NRXN3: variants seen among roughly 807,000 people sequenced by gnomAD.
The protein encoded by NRXN3 is neurexin 3.
Under a neutral mutation model 137.6 loss-of-function variants are expected in NRXN3, and 32 were observed. The ratio of observed to expected loss-of-function variants is 0.23; its 90% CI spans 0.18 to 0.31. The LOEUF is 0.31. Ranked by LOEUF, NRXN3 falls within the 10% of genes least tolerant of loss-of-function variation. NRXN3 has a pLI of 1.00. For synonymous variants in NRXN3, 798 were observed against 784.5 expected (o/e 1.02, Z -0.29); for missense variants, 1,574 against 2,062.5 (o/e 0.76, Z 4.59).
chr14:78,967,434 C>T (rs749522774), intron 13 of NRXN3, 36 bp downstream of exon 13: 37 of 1,485,096 alleles, frequency 2.5e-5, no homozygotes, highest in Middle Eastern at 3.5e-4. Context: ...TTTAATAGAG[C>T]TTTTCTTACA....
At chr14:78,786,734 T>C (rs1328584558) in intron 8 of NRXN3, among the ~76,000 whole-genome samples, 1 of 152,176 alleles carries the variant, frequency 6.6e-6, no homozygotes, top group East Asian at 1.9e-4. Flanking sequence ...ATGTGTTTTA[T>C]ATATACTTAT....
intron 4 of NRXN3, among the ~76,000 whole-genome samples, chr14:78,536,255 T>A (rs529101390): frequency 6.6e-6 from 1 of 152,324 alleles, no homozygotes; most frequent in East Asian, 1.9e-4. Context: ...ATGGCTGGTG[T>A]TGTTTTCTAC....
chr14:79,353,919 C>G (rs2093323760), intron 15 of NRXN3, among the ~76,000 whole-genome samples: 1 of 152,102 alleles, frequency 6.6e-6, no homozygotes, highest in Admixed American at 6.6e-5. Flanking sequence ...ATTTGGTCAT[C>G]AACTCGGATA....
intron 19 of NRXN3, among the ~76,000 whole-genome samples, chr14:79,750,237 G>A (rs1339987827): frequency 6.6e-6 from 1 of 152,142 alleles, no homozygotes; most frequent in Non-Finnish European, 1.5e-5. Flanking sequence ...CTGTATAGTG[G>A]TGAGTCTGAG....
chr14:78,669,367 C>T (rs924478099), intron 6 of NRXN3, among the ~76,000 whole-genome samples: 1 of 151,884 alleles, frequency 6.6e-6, no homozygotes, highest in African/African-American at 2.4e-5. Flanking sequence ...CAGGGTGAGT[C>T]CATAAAGTGA....
At chr14:79,043,546 C>T (rs1595301109) in intron 15 of NRXN3, among the ~76,000 whole-genome samples, 1 of 152,128 alleles carries the variant, frequency 6.6e-6, no homozygotes, top group African/African-American at 2.4e-5. Flanking sequence ...TTCTTTACTT[C>T]TGAGGACTAT....
At chr14:79,622,644 T>A (rs1421606808) in intron 16 of NRXN3, among the ~76,000 whole-genome samples, 1 of 152,180 alleles carries the variant, frequency 6.6e-6, no homozygotes. Flanking sequence ...TCACCCAGGC[T>A]GGAGTGTAAT....
chr14:78,297,823 T>G lies in NRXN3; in HGVS notation c.728-8T>G. ...CCTCTTCCCTTTCTCCCTGTTTCTCTTCCTCAGGCCTCTCCCACCTCATGA... is the reference window on the plus strand; with the variant it reads ...CCTCTTCCCTTTCTCCCTGTTTCTCGTCCTCAGGCCTCTCCCACCTCATGA... On this transcript the variant is annotated splice_polypyrimidine_tract_variant and splice_region_variant and intron_variant, in intron 3 of 20. Coordinates refer to ENST00000335750, the MANE Select transcript of NRXN3 (RefSeq NM_001330195.2). The G allele has an allele frequency of 6.5e-7, 1 of 1,534,242 alleles. No individual in the cohort carries two copies. The highest frequency in any genetic ancestry group is 8.7e-7 in the Non-Finnish European group (1 of 1,144,884).
At chr14:79,768,538 T>A (rs1355365916) in intron 19 of NRXN3, among the ~76,000 whole-genome samples, 1 of 152,086 alleles carries the variant, frequency 6.6e-6, no homozygotes, top group Non-Finnish European at 1.5e-5. Flanking sequence ...GGCAGGGTAC[T>A]CCAACGGACC....
At chr14:79,371,147 T>C (rs1425613036) in intron 15 of NRXN3, among the ~76,000 whole-genome samples, 1 of 152,200 alleles carries the variant, frequency 6.6e-6, no homozygotes, top group African/African-American at 2.4e-5. Context: ...GATTTTGCTG[T>C]CAGCCCTGGA....
intron 4 of NRXN3, among the ~76,000 whole-genome samples, chr14:78,385,655 A>G (rs1377592192): frequency 6.6e-6 from 1 of 152,230 alleles, no homozygotes; most frequent in Non-Finnish European, 1.5e-5. Flanking sequence ...CATACAGGAA[A>G]GGATTCACTA....
intron 4 of NRXN3, among the ~76,000 whole-genome samples, chr14:78,570,039 G>A (rs1391439893): frequency 6.6e-6 from 1 of 152,222 alleles, no homozygotes; most frequent in Non-Finnish European, 1.5e-5. Context: ...GATAATGTGT[G>A]CTGTATAAAA....
In NRXN3 at chr14:79,286,537, T is replaced by TA. The variant is rs1220092868; in HGVS notation, c.3263-180683dup. 6.1e-3 allele frequency among the ~76,000 whole-genome samples: 816 copies of TA among 134,022 alleles called. 7 individuals are homozygous for TA. The highest frequency in any genetic ancestry group is 6.8e-3 in the Non-Finnish European group (445 of 65,214). The allele number at this position is 134,022 out of a possible 152,430, so 87.9% of individuals were successfully genotyped here. A position where few individuals can be genotyped will look rare whatever the true frequency, so the allele number is the denominator to read the frequency against. On this transcript the variant is annotated intron_variant, in intron 15 of 20. Coordinates refer to ENST00000335750, the MANE Select transcript of NRXN3 (RefSeq NM_001330195.2). ...CTTGGTGAGATGATTGAGAGAATAATATATATATATATATATATATATAGT... is the reference window on the plus strand; with the variant it reads ...CTTGGTGAGATGATTGAGAGAATAATAATATATATATATATATATATATAGT...
At chr14:79,561,928 T>G (rs2097501890) in intron 16 of NRXN3, among the ~76,000 whole-genome samples, 2 of 152,208 alleles carry the variant, frequency 1.3e-5, no homozygotes, top group African/African-American at 4.8e-5. Context: ...CCATTTGTTA[T>G]CCCCTATAAC....
intron 4 of NRXN3, among the ~76,000 whole-genome samples, chr14:78,620,368 T>C (rs2152498203): frequency 6.6e-6 from 1 of 152,306 alleles, no homozygotes; most frequent in Admixed American, 6.5e-5. Context: ...GCTAGAAAAA[T>C]AACCTGCTTG....
At chr14:79,431,002 C>T (rs907515481) in intron 15 of NRXN3, among the ~76,000 whole-genome samples, 4 of 152,182 alleles carry the variant, frequency 2.6e-5, no homozygotes, top group Non-Finnish European at 5.9e-5. Flanking sequence ...ATTTTGAGCA[C>T]ACAGAAATTA....
chr14:79,819,722 AT>A (rs1467330024), intron 20 of NRXN3, among the ~76,000 whole-genome samples: 2 of 151,774 alleles, frequency 1.3e-5, no homozygotes, highest in Non-Finnish European at 2.9e-5. Context: ...TGACCTCGTG[AT>A]TTGCCCCCCT....
intron 15 of NRXN3, among the ~76,000 whole-genome samples, chr14:79,275,792 A>G (rs2080199745): frequency 6.6e-6 from 1 of 152,122 alleles, no homozygotes; most frequent in African/African-American, 2.4e-5. Context: ...CTAAAGCCTG[A>G]AGTAATATAG....
intron 15 of NRXN3, chr14:79,281,651 C>T (rs529969021): frequency 3.0e-4 from 45 of 152,054 alleles, no homozygotes; most frequent in African/African-American, 9.4e-4. Flanking sequence ...ATAAAGTAGC[C>T]TGTGTGGTAA....
Sources: allele counts gnomAD v4.1 joint callset (sites outside exome capture counted in the v4.1 genomes callset), GRCh38; gene constraint gnomAD v4.1.1; transcripts MANE v1.5; gene names NCBI Gene and HGNC (gene_info 2026-07-23, HGNC 2026-07-21).